The following MRE11 variants were observed in gnomAD, a reference collection of about 807,000 sequenced individuals.
The protein encoded by MRE11 is MRE11 double strand break repair nuclease, also known as double-strand break repair protein MRE11.
In MRE11, 62 loss-of-function variants were observed where a neutral mutation model predicts 91.7. That is an observed-to-expected ratio of 0.68 (90% CI 0.55 to 0.84). The LOEUF is 0.84. MRE11 is among the 40% of genes least tolerant of loss of function. The pLI, the probability that MRE11 is intolerant of heterozygous loss-of-function variation, is 0.00. For synonymous variants in MRE11, 273 were observed against 271.4 expected (o/e 1.01, Z -0.06); for missense variants, 796 against 852.9 (o/e 0.93, Z 0.83).
the MRE11 span, among the ~76,000 whole-genome samples, chr11:94,499,898 T>C: frequency 6.6e-6 from 1 of 152,202 alleles, no homozygotes; most frequent in African/African-American, 2.4e-5. Context: ...TAATCAAAGA[T>C]TAAATATTTA....
chr11:94,506,937 C>T, the MRE11 span, among the ~76,000 whole-genome samples: 2 of 151,688 alleles, frequency 1.3e-5, no homozygotes, highest in Non-Finnish European at 2.9e-5. Flanking sequence ...TCAAATAAAC[C>T]ACATTTTTAT....
intron 4 of MRE11, 107 bp downstream of exon 4, chr11:94,485,817 T>A (rs1947126031): frequency 3.8e-6 from 4 of 1,050,322 alleles, no homozygotes; most frequent in Admixed American, 4.3e-5. Flanking sequence ...TGATATTTAC[T>A]AAGAAAATAG....
At chr11:94,427,360 C>A (rs1475810805) in intron 19 of MRE11, among the ~76,000 whole-genome samples, 3 of 152,060 alleles carry the variant, frequency 2.0e-5, no homozygotes, top group Non-Finnish European at 4.4e-5. Context: ...ATGATAAAAA[C>A]CCTCAACAGA....
chr11:94,467,174 A>G (rs1417028793), intron 10 of MRE11, among the ~76,000 whole-genome samples: 2 of 152,218 alleles, frequency 1.3e-5, no homozygotes, highest in African/African-American at 4.8e-5. Context: ...GAGAGTAAGC[A>G]ACATGGGGTA....
intron 4 of MRE11, among the ~76,000 whole-genome samples, chr11:94,483,473 G>C (rs1285137989): frequency 6.6e-6 from 1 of 152,162 alleles, no homozygotes; most frequent in Non-Finnish European, 1.5e-5. Flanking sequence ...TCTGGTGATA[G>C]TGAATAAGTC....
intron 3 of MRE11, among the ~76,000 whole-genome samples, chr11:94,488,122 A>G (rs1947188672): frequency 6.6e-6 from 1 of 152,184 alleles, no homozygotes; most frequent in Admixed American, 6.5e-5. Flanking sequence ...AGGAAAGGGC[A>G]AAGTAGAATT....
intron 1 of MRE11, among the ~76,000 whole-genome samples, chr11:94,493,111 G>C (rs373237208): frequency 3.3e-5 from 5 of 151,816 alleles, no homozygotes; most frequent in African/African-American, 1.2e-4. Flanking sequence ...CTGTTTCCTA[G>C]TTTCACCAAG....
At chr11:94,495,070 T>G (rs11819857), upstream of MRE11, among the ~76,000 whole-genome samples, 24,331 of 152,200 alleles carry the variant, frequency 0.16, 2,182 homozygotes, top group East Asian at 0.23. Flanking sequence ...AATACTTTAG[T>G]AAAATTCTTA....
At chr11:94,505,641 G>T in the MRE11 span, among the ~76,000 whole-genome samples, 1 of 152,078 alleles carries the variant, frequency 6.6e-6, no homozygotes, top group African/African-American at 2.4e-5. Context: ...ATTGAAGAAA[G>T]AAAAATATGT....
the MRE11 span, among the ~76,000 whole-genome samples, chr11:94,506,845 C>T: frequency 6.6e-6 from 1 of 152,066 alleles, no homozygotes; most frequent in African/African-American, 2.4e-5. Flanking sequence ...CTGCCTTGGC[C>T]TCCAAAAGTG....
At chr11:94,465,050 C>G (rs1361387477) in intron 10 of MRE11, among the ~76,000 whole-genome samples, 32 of 152,152 alleles carry the variant, frequency 2.1e-4, no homozygotes, top group Admixed American at 2.1e-3. Context: ...CCTGTAAGCT[C>G]GACGAATTCA....
At position 94,471,455 on chromosome 11, in the gene MRE11, C is replaced by T. The variant is rs144738856; in HGVS notation, c.845+119G>A. 28 of 888,904 alleles carry T rather than the reference C, an allele frequency of 3.1e-5. 1 individual carries two copies. The African/African-American group carries it at 3.9e-4, about 12-fold the overall frequency. The allele number at this position is 888,904 out of a possible 1,614,324, so 55.1% of individuals were successfully genotyped here. On this transcript the variant is annotated intron_variant, in intron 8 of 19. Coordinates refer to ENST00000323929, the MANE Select transcript of MRE11 (RefSeq NM_005591.4). ...GATCAATTTTCAAAAATAAAGCTAT[C>T]ATATAAATGACAATACTGCCAGTTA... is the stretch of plus-strand genomic sequence containing the variant.
At chr11:94,453,996 T>C (rs533498701) in intron 14 of MRE11, among the ~76,000 whole-genome samples, 1 of 151,920 alleles carries the variant, frequency 6.6e-6, no homozygotes, top group Admixed American at 6.6e-5. Context: ...AGCCTAATGG[T>C]TACTGTTTGC....
At chr11:94,472,096 A>C (rs1003790374) in intron 7 of MRE11, among the ~76,000 whole-genome samples, 4 of 152,070 alleles carry the variant, frequency 2.6e-5, no homozygotes, top group African/African-American at 9.7e-5. Context: ...GAAATCTATA[A>C]ATCAGTCTAA....
At chr11:94,493,061 T>A (rs1442547568) in intron 1 of MRE11, among the ~76,000 whole-genome samples, 155 bp from the exon 2 acceptor site, 3 of 152,194 alleles carry the variant, frequency 2.0e-5, no homozygotes, top group Non-Finnish European at 4.4e-5. Flanking sequence ...TTTTTTTTAA[T>A]GAACTGAGCA....
At chr11:94,466,525 T>G (rs186423401) in intron 10 of MRE11, 1 of 530,208 alleles carries the variant, frequency 1.9e-6, no homozygotes, top group South Asian at 1.4e-5. Flanking sequence ...GTAACTGCAG[T>G]TTTTGCCATT....
At chr11:94,478,038 G>A (rs1209795016) in intron 6 of MRE11, among the ~76,000 whole-genome samples, 1 of 152,120 alleles carries the variant, frequency 6.6e-6, no homozygotes, top group African/African-American at 2.4e-5. Flanking sequence ...ATGAAGAGCT[G>A]GGGGACAGGG....
At chr11:94,475,726 T>G in intron 7 of MRE11, 1 of 431,074 alleles carries the variant, frequency 2.3e-6, no homozygotes. Context: ...GAAACATGTC[T>G]AAGAATGTTC....
intron 17 of MRE11, among the ~76,000 whole-genome samples, chr11:94,436,285 A>G (rs13447717): frequency 0.083 from 12,589 of 152,266 alleles, 617 homozygotes; most frequent in South Asian, 0.18. Flanking sequence ...GGGAAATACT[A>G]GATATCTTTC....
Sources: gnomAD v4.1 joint callset for allele counts (sites outside exome capture counted in the v4.1 genomes callset) on GRCh38, gnomAD v4.1.1 for gene constraint, MANE v1.5 for transcripts, NCBI Gene and HGNC (gene_info 2026-07-23, HGNC 2026-07-21) for gene names.